The following POLR3A variants were observed in gnomAD, a reference collection of about 807,000 sequenced individuals.
POLR3A encodes the protein RNA polymerase III subunit A.
In POLR3A, 112 loss-of-function variants were observed where a neutral mutation model predicts 152.8. That is an observed-to-expected ratio of 0.73 (90% CI 0.63 to 0.86). The LOEUF is 0.86. Ranked by LOEUF, POLR3A falls within the 40% of genes least tolerant of loss-of-function variation. POLR3A has a pLI of 0.00. For missense variants in POLR3A, 1,385 were observed against 1,743.1 expected (o/e 0.79, Z 3.66); for synonymous variants, 615 against 652.1 (o/e 0.94, Z 0.87).
chr10:78,016,402 C>G (rs1282976333), intron 10 of POLR3A, among the ~76,000 whole-genome samples: 1 of 143,860 alleles, frequency 7.0e-6, no homozygotes, highest in Non-Finnish European at 1.5e-5. Flanking sequence ...GACCTCAGCT[C>G]CACTTATTAA....
rs748558598 is a variant in POLR3A at position 78,013,781 on chromosome 10, T to C, written c.1441A>G (p.Lys481Glu). ...LSIMAHLARVKPHRTFRFNEC... is the reference protein window; with the variant it reads ...LSIMAHLARVEPHRTFRFNEC... ...TTAAATCTGAAGGTCCGGTGGGGCT[T>C]GACCCTGGCCTGTGGAACACAAAAC... The change falls in exon 11 of 31, where the codon AAG becomes GAG. Residue 481 changes from lysine to glutamate, a missense_variant. Around this residue, in one of 7 missense-constraint regions of POLR3A, gnomAD observed 493 missense variants for 647.5 expected, o/e 0.76. Transcript: ENST00000372371. The C allele has an allele frequency of 6.2e-7, 1 of 1,614,178 alleles. No homozygotes were observed. Among genetic ancestry groups the C allele is most frequent in the Admixed American group, 1.7e-5 (1 of 60,018 alleles).
chr10:77,999,510 C>A (rs567734505), intron 19 of POLR3A, among the ~76,000 whole-genome samples: 5 of 152,254 alleles, frequency 3.3e-5, no homozygotes, highest in African/African-American at 1.2e-4. Context: ...TATCTCAGAG[C>A]TATACACTCT....
chr10:78,025,194 A>G, intron 3 of POLR3A, 52 bp from the exon 4 acceptor site: 5 of 1,599,454 alleles, frequency 3.1e-6, no homozygotes, highest in South Asian at 1.1e-5. Flanking sequence ...ATGAAAAATT[A>G]TTTTCTTTTA....
rs1178482443 is a variant in POLR3A, at chr10:77,985,952, G to A, written c.3022C>T (p.Pro1008Ser). 1.2e-6 allele frequency: 2 copies of A among 1,614,056 alleles called. No homozygotes were observed. Among genetic ancestry groups the A allele is most frequent in the South Asian group, 2.2e-5 (2 of 91,082 alleles). ...RVLYQLDRIT[P>S]TQVEKFLETC... ...TCCAGAAACTTTTCTACTTGGGTGG[G>A]GGTGATGCGGTCCAGCTGGTACAGC... is the stretch of plus-strand genomic sequence containing the variant. The change falls in exon 23 of 31, where the codon CCC becomes TCC. Residue 1008 changes from proline to serine, a missense_variant. By Grantham distance (74) the Pro-to-Ser change is moderately conservative. Coordinates refer to ENST00000372371, the MANE Select transcript of POLR3A (RefSeq NM_007055.4).
At chr10:78,021,741 A>G in intron 7 of POLR3A, 59 bp from the exon 8 acceptor site, 1 of 1,611,948 alleles carries the variant, frequency 6.2e-7, no homozygotes, top group Non-Finnish European at 8.5e-7. Flanking sequence ...CATGGGAACA[A>G]TAAGAACGGA....
At chr10:78,004,030 T>C (rs557656183) in intron 16 of POLR3A, among the ~76,000 whole-genome samples, 2 of 146,490 alleles carry the variant, frequency 1.4e-5, no homozygotes, top group East Asian at 4.2e-4. Flanking sequence ...GGTCAGGAGA[T>C]CGAGACCGTG....
chr10:77,985,207 G>A lies in POLR3A; in HGVS notation c.3205C>T (p.Arg1069Trp), dbSNP rs1476819432. 1.2e-5 allele frequency: 20 copies of A among 1,614,066 alleles called. No homozygotes were observed. Among genetic ancestry groups the A allele is most frequent in the Non-Finnish European group, 1.6e-5 (19 of 1,179,916 alleles). The change falls in exon 24 of 31, where the codon CGG (arginine) becomes TGG (tryptophan). Residue 1069 changes from arginine (R) to tryptophan (W), a missense_variant. Around this residue, in one of 7 missense-constraint regions of POLR3A, gnomAD observed 22 missense variants for 59.7 expected, o/e 0.37. Coordinates refer to ENST00000372371, the MANE Select transcript of POLR3A (RefSeq NM_007055.4). Reference protein sequence around the residue: ...ASMNITLGVPRIKEIINASKA... With the variant: ...ASMNITLGVPWIKEIINASKA... ...GAAGCGTTGATGATCTCTTTAATCC[G>A]GGGCACGCCCAGGGTGATGTTCATG...
At chr10:78,016,028 G>A (rs1173791540) in intron 10 of POLR3A, among the ~76,000 whole-genome samples, 5 of 152,072 alleles carry the variant, frequency 3.3e-5, no homozygotes, top group African/African-American at 1.2e-4. Context: ...TACCATAAGA[G>A]GCTGCTTAAA....
chr10:78,013,348 A>G (rs1847485172), intron 11 of POLR3A: 3 of 402,974 alleles, frequency 7.4e-6, no homozygotes, highest in Non-Finnish European at 1.4e-5. Context: ...TTACCTTGTC[A>G]TAACTGGCCC....
chr10:77,986,591 A>G (rs766065814), intron 21 of POLR3A, among the ~76,000 whole-genome samples: 1 of 152,212 alleles, frequency 6.6e-6, no homozygotes, highest in Non-Finnish European at 1.5e-5. Flanking sequence ...CAGTTTAAAT[A>G]CTACCAACTA....
At chr10:78,004,674 T>G (rs760110886) in intron 16 of POLR3A, 42 bp downstream of exon 16, 1 of 1,525,308 alleles carries the variant, frequency 6.6e-7, no homozygotes, top group Non-Finnish European at 9.0e-7. Context: ...GTAGCCACTG[T>G]GCACGGCAAG....
At chr10:77,995,630 AC>A (rs1461808212) in intron 19 of POLR3A, among the ~76,000 whole-genome samples, 1 of 152,082 alleles carries the variant, frequency 6.6e-6, no homozygotes. Context: ...ATATATATGC[AC>A]CCAATACAGG....
In POLR3A at chr10:78,024,535, A is replaced by C. The variant is rs1219919877; in HGVS notation, c.645+14T>G. On this transcript the variant is annotated intron_variant, in intron 5 of 30. Transcript: ENST00000372371. ...GGAGGCAGGCGGAAGGCAGGCGTGC[A>C]TTCTCAGGCTCACCTGTGCCCTTCC... The C allele has an allele frequency of 1.2e-6, 2 of 1,612,646 alleles. No homozygotes were observed. The highest frequency in any genetic ancestry group is 1.7e-6 in the Non-Finnish European group (2 of 1,179,782).
chr10:77,998,302 T>C (rs1020384436), intron 19 of POLR3A, among the ~76,000 whole-genome samples: 2 of 151,844 alleles, frequency 1.3e-5, no homozygotes, highest in African/African-American at 4.8e-5. Flanking sequence ...AATTGACAAA[T>C]GGGATCTAAT....
At chr10:77,987,921 C>A (rs1197241747) in intron 21 of POLR3A, among the ~76,000 whole-genome samples, 1 of 152,242 alleles carries the variant, frequency 6.6e-6, no homozygotes, top group African/African-American at 2.4e-5. Flanking sequence ...GAGGTCAGCG[C>A]TTGGCCAAGG....
chr10:78,010,256 T>A (rs1204684494), intron 12 of POLR3A, among the ~76,000 whole-genome samples: 2 of 150,630 alleles, frequency 1.3e-5, no homozygotes, highest in Non-Finnish European at 2.9e-5. Flanking sequence ...GAGGAGCTCA[T>A]TAAAGACTTG....
At position 78,017,734 on chromosome 10, in the gene POLR3A, A is replaced by C. The variant is rs1472381554; in HGVS notation, c.1290-18T>G. 3 of 1,613,990 alleles carry C rather than the reference A, an allele frequency of 1.9e-6. No homozygotes were observed. Among genetic ancestry groups the C allele is most frequent in the Non-Finnish European group, 2.5e-6 (3 of 1,180,010 alleles). ...TCAAAAACCTGAATGTGCAACAATA[A>C]ACATGATCTGTGAAAGCAAAGTTCT... On this transcript the variant is annotated intron_variant, in intron 9 of 30. Transcript: ENST00000372371.
At position 78,009,564 on chromosome 10, in the gene POLR3A, C is replaced by T. The variant is rs371073485; in HGVS notation, c.1882G>A (p.Gly628Arg). The change falls in exon 14 of 31, where the codon GGG becomes AGG. Residue 628 changes from glycine to arginine, a missense_variant. By Grantham distance (125) the Gly-to-Arg change is moderately radical. Around this residue, in one of 7 missense-constraint regions of POLR3A, gnomAD observed 188 missense variants for 179.9 expected, o/e 1.04. Transcript: ENST00000372371. ...GAATCATTGGCACAGAGATCTTCCC[C>T]TTTGCCACAGTACTGCTTGCCCTTG... is the stretch of plus-strand genomic sequence containing the variant. Reference protein sequence around the residue: ...RTKGKQYCGKGEDLCANDSYV... With the variant: ...RTKGKQYCGKREDLCANDSYV... The T allele has an allele frequency of 6.2e-6, 10 of 1,614,092 alleles. No homozygotes were observed. The African/African-American group carries it at 1.2e-4, about 19-fold the overall frequency.
chr10:77,979,229 T>A (rs1317311163), intron 30 of POLR3A, among the ~76,000 whole-genome samples: 1 of 152,212 alleles, frequency 6.6e-6, no homozygotes, highest in East Asian at 1.9e-4. Context: ...ACTCTAATGA[T>A]GCCAATCTGT....
Sources: gnomAD v4.1 joint callset for allele counts (sites outside exome capture counted in the v4.1 genomes callset) on GRCh38, gnomAD v4.1.1 for gene constraint, gnomAD v4.1.1 regional missense constraint, MANE v1.5 for transcripts, NCBI Gene and HGNC (gene_info 2026-07-23, HGNC 2026-07-21) for gene names.